LIN7A: variants seen among roughly 807,000 people sequenced by gnomAD.
LIN7A encodes the protein lin-7 cell polarity scaffold A.
In LIN7A, 25 loss-of-function variants were observed where a neutral mutation model predicts 29.8. The ratio of observed to expected loss-of-function variants is 0.84; its 90% confidence interval spans 0.61 to 1.17. The LOEUF (loss-of-function observed/expected upper bound fraction) is 1.17, where lower values mean the gene tolerates loss of function less well. Among genes scored for constraint, LIN7A ranks in the 50% most tolerant of loss-of-function variants. The pLI is 0.00. For synonymous variants in LIN7A, 118 were observed against 107.5 expected, an observed-to-expected ratio of 1.10 and a Z score of -0.60; for missense variants, 239 against 287.0, an observed-to-expected ratio of 0.83 and a Z score of 1.21.
chr12:80,878,604 A>G (rs1353254899), intron 2 of LIN7A, among the ~76,000 whole-genome samples: 2 of 152,206 alleles, frequency 1.3e-5, no homozygotes, highest in African/African-American at 2.4e-5. Context: ...CAGTACGGAA[A>G]GAGATCTGAG....
chr12:80,856,140 G>T (rs1348541847), intron 2 of LIN7A, among the ~76,000 whole-genome samples: 1 of 152,152 alleles, frequency 6.6e-6, no homozygotes, highest in African/African-American at 2.4e-5. Context: ...GGTACAGACT[G>T]TATACAAGTC....
intron 1 of LIN7A, among the ~76,000 whole-genome samples, chr12:80,928,905 AC>A (rs11296152): frequency 0.14 from 21,201 of 151,966 alleles, 3,177 homozygotes; most frequent in African/African-American, 0.36. Context: ...ATGTTTTAAA[AC>A]TTATTATTAA....
chr12:80,887,650 C>A (rs1483476392), intron 2 of LIN7A, among the ~76,000 whole-genome samples: 1 of 152,092 alleles, frequency 6.6e-6, no homozygotes, highest in Non-Finnish European at 1.5e-5. Flanking sequence ...TTCAACATGA[C>A]CCCTCTAATC....
chr12:80,895,118 C>G (rs901041653), intron 1 of LIN7A, among the ~76,000 whole-genome samples: 1 of 152,198 alleles, frequency 6.6e-6, no homozygotes, highest in African/African-American at 2.4e-5. Flanking sequence ...AGTTATAACA[C>G]TGCCGAAAGC....
chr12:80,820,731 C>T (rs374685654), intron 4 of LIN7A, among the ~76,000 whole-genome samples: 7 of 152,128 alleles, frequency 4.6e-5, no homozygotes, highest in East Asian at 3.9e-4. Context: ...AAATATTCCT[C>T]GAAAATGATA....
chr12:80,800,115 T>A (rs1338240151), intron 5 of LIN7A, among the ~76,000 whole-genome samples: 1 of 152,112 alleles, frequency 6.6e-6, no homozygotes, highest in Non-Finnish European at 1.5e-5. Flanking sequence ...CCATGGACAT[T>A]AAAAGCATAG....
intron 5 of LIN7A, among the ~76,000 whole-genome samples, chr12:80,809,482 G>T (rs992261792): frequency 2.0e-5 from 3 of 152,130 alleles, no homozygotes; most frequent in Non-Finnish European, 4.4e-5. Flanking sequence ...TTCTCCAAAG[G>T]ATAGCAAGGA....
intron 2 of LIN7A, among the ~76,000 whole-genome samples, chr12:80,878,181 G>A (rs1243359564): frequency 6.6e-6 from 1 of 152,184 alleles, no homozygotes; most frequent in East Asian, 1.9e-4. Context: ...ATATCCTTAA[G>A]ATCACTGACC....
intron 2 of LIN7A, among the ~76,000 whole-genome samples, chr12:80,863,222 C>A (rs1873962954): frequency 1.3e-5 from 2 of 152,180 alleles, no homozygotes; most frequent in Non-Finnish European, 2.9e-5. Flanking sequence ...AGTTCTATTT[C>A]AAGTTCATTA....
intron 4 of LIN7A, chr12:80,832,730 T>G: frequency 2.3e-6 from 1 of 426,662 alleles, no homozygotes; most frequent in South Asian, 1.7e-5. Flanking sequence ...GTCCATTCTA[T>G]TCATATTTAT....
chr12:80,829,657 G>A (rs1872250029), intron 4 of LIN7A, among the ~76,000 whole-genome samples: 2 of 152,170 alleles, frequency 1.3e-5, no homozygotes, highest in South Asian at 4.1e-4. Flanking sequence ...AGATTCCACA[G>A]AGAGTAATCA....
At chr12:80,878,370 C>CT (rs1874830066) in intron 2 of LIN7A, among the ~76,000 whole-genome samples, 1 of 152,176 alleles carries the variant, frequency 6.6e-6, no homozygotes, top group African/African-American at 2.4e-5. Context: ...TAGTCATTCT[C>CT]TTTTTGTAAT....
At chr12:80,817,294 G>C (rs1487299126) in intron 4 of LIN7A, among the ~76,000 whole-genome samples, 2 of 152,126 alleles carry the variant, frequency 1.3e-5, no homozygotes, top group Non-Finnish European at 2.9e-5. Flanking sequence ...TCCATAGAGG[G>C]TTAAATTTTG....
chr12:80,795,806 A>C lies in LIN7A; in HGVS notation c.*1921T>G, dbSNP rs1870417793. ...ATGTGAACTATCTCTTTCAAACTGA[A>C]TAATACATCGTCTCCATTCATTCCC... On this transcript the variant is annotated 3_prime_UTR_variant, in exon 6 of 6. Coordinates refer to ENST00000552864, the MANE Select transcript of LIN7A (RefSeq NM_004664.4). 6.6e-6 allele frequency: 1 copy of C among 152,140 alleles called. No individual in the cohort carries two copies. Among genetic ancestry groups the C allele is most frequent in the African/African-American group, 2.4e-5 (1 of 41,444 alleles). 9.4% of individuals were successfully genotyped at this position (152,140 alleles called of 1,614,324 possible).
chr12:80,878,787 G>C (rs1716549), intron 2 of LIN7A, among the ~76,000 whole-genome samples: 1 of 151,548 alleles, frequency 6.6e-6, no homozygotes, highest in Non-Finnish European at 1.5e-5. Flanking sequence ...TAGCCACAGA[G>C]AGCTGATTGG....
At position 80,796,735 on chromosome 12, in the gene LIN7A, A is replaced by G. The variant is rs1870467328; in HGVS notation, c.*992T>C. 1 of 152,108 alleles carries G rather than the reference A, an allele frequency of 6.6e-6. No homozygotes were observed. The highest frequency in any genetic ancestry group is 2.1e-4 in the South Asian group (1 of 4,834). 9.4% of individuals were successfully genotyped at this position (152,108 alleles called of 1,614,324 possible). A position where few individuals can be genotyped will look rare whatever the true frequency, so the allele number is the denominator to read the frequency against. On this transcript the variant is annotated 3_prime_UTR_variant, in exon 6 of 6. Transcript: ENST00000552864. ...ATATAATTTAGTTTTGCTAAGCTTT[A>G]AAATATGAAATAGGCTTCTATGACA...
At chr12:80,800,048 A>T (rs1870639999) in intron 5 of LIN7A, among the ~76,000 whole-genome samples, 1 of 152,202 alleles carries the variant, frequency 6.6e-6, no homozygotes. Context: ...AAAAAGGAAG[A>T]GAAGACACAA....
At chr12:80,925,830 G>T (rs1877553265) in intron 1 of LIN7A, among the ~76,000 whole-genome samples, 1 of 152,132 alleles carries the variant, frequency 6.6e-6, no homozygotes, top group Non-Finnish European at 1.5e-5. Flanking sequence ...TTTACAGTTT[G>T]CACAGTATTT....
chr12:80,874,873 G>A (rs1010535278), intron 2 of LIN7A, among the ~76,000 whole-genome samples: 2 of 152,030 alleles, frequency 1.3e-5, no homozygotes, highest in African/African-American at 4.8e-5. Context: ...AGTCCCAGAG[G>A]CTGAGGGAGC....
Sources: allele counts gnomAD v4.1 joint callset (sites outside exome capture counted in the v4.1 genomes callset), GRCh38; gene constraint gnomAD v4.1.1; transcripts MANE v1.5; gene names NCBI Gene and HGNC (gene_info 2026-07-23, HGNC 2026-07-21).